Variants in WDPCP observed in about 807,000 individuals in gnomAD.
WDPCP encodes WD repeat containing planar cell polarity effector.
A neutral mutation model predicts 93.1 loss-of-function variants in WDPCP; 71 were observed. The observed-to-expected ratio is 0.76, with a 90% CI of 0.63 to 0.93. WDPCP has a LOEUF of 0.93. Among genes scored for constraint, WDPCP ranks in the 40% least tolerant of loss-of-function variants. The pLI, the probability that WDPCP is intolerant of heterozygous loss-of-function variation, is 0.00. For missense variants in WDPCP, 844 were observed against 887.4 expected (o/e 0.95, Z 0.62); for synonymous variants, 315 against 315.0 (o/e 1.00, Z 0.00).
intron 15 of WDPCP, among the ~76,000 whole-genome samples, chr2:63,158,803 A>G (rs914601652): frequency 6.6e-6 from 1 of 151,838 alleles, no homozygotes; most frequent in African/African-American, 2.4e-5. Context: ...TCCCTTTGTT[A>G]TCTCTATTCT....
At chr2:63,481,207 G>C (rs987430616) in intron 6 of WDPCP, among the ~76,000 whole-genome samples, 1 of 151,926 alleles carries the variant, frequency 6.6e-6, no homozygotes, top group Non-Finnish European at 1.5e-5. Context: ...CCTTACTCCT[G>C]CAAGAATGGC....
At chr2:63,637,031 G>A (rs915102758) in intron 3 of WDPCP, among the ~76,000 whole-genome samples, 12 of 152,190 alleles carry the variant, frequency 7.9e-5, no homozygotes, top group East Asian at 1.9e-4. Context: ...GCTATGACAC[G>A]AAAGGCACAG....
intron 8 of WDPCP, among the ~76,000 whole-genome samples, chr2:63,436,735 G>A (rs1372784849): frequency 6.6e-6 from 1 of 152,026 alleles, no homozygotes; most frequent in Non-Finnish European, 1.5e-5. Context: ...AAACAGCCTG[G>A]AAAATGTATT....
At chr2:63,346,186 A>C (rs1689177471) in intron 12 of WDPCP, among the ~76,000 whole-genome samples, 1 of 152,212 alleles carries the variant, frequency 6.6e-6, no homozygotes, top group African/African-American at 2.4e-5. Flanking sequence ...TGCCTGGAAA[A>C]AGTAATGTCC....
chr2:63,806,169 G>C (rs957643337), intron 2 of WDPCP, among the ~76,000 whole-genome samples: 7 of 152,150 alleles, frequency 4.6e-5, no homozygotes, highest in Admixed American at 1.3e-4. Flanking sequence ...AACCTGCCCT[G>C]ATATTCACGT....
chr2:63,563,828 A>T (rs1433584079), intron 1 of WDPCP, among the ~76,000 whole-genome samples: 19 of 152,170 alleles, frequency 1.2e-4, no homozygotes. Flanking sequence ...GCCCCTTGAA[A>T]TTGGGCTTGT....
intron 2 of WDPCP, among the ~76,000 whole-genome samples, chr2:63,808,212 T>C (rs1416843870): frequency 6.6e-6 from 1 of 152,212 alleles, no homozygotes; most frequent in African/African-American, 2.4e-5. Context: ...GGCAGGAGAC[T>C]GAAAAATTAT....
rs528580062 is a variant in WDPCP, at chr2:63,121,053, A to G, written c.*953T>C. ...TTTCTTCATGGATTCTCTGAGCCCT[A>G]TTCCTATAGAGCAATGTTAAGAGGG... On this transcript the variant is annotated 3_prime_UTR_variant, in exon 18 of 18. Coordinates refer to ENST00000272321, the MANE Select transcript of WDPCP (RefSeq NM_015910.7). Among the ~76,000 whole-genome samples the G allele has an allele frequency of 1.3e-5, 2 of 152,214 alleles. No homozygotes were observed. The highest frequency in any genetic ancestry group is 6.5e-5 in the Admixed American group (1 of 15,268).
intron 2 of WDPCP, among the ~76,000 whole-genome samples, chr2:63,706,927 T>A (rs572367308): frequency 1.2e-4 from 18 of 152,190 alleles, no homozygotes; most frequent in African/African-American, 4.3e-4. Flanking sequence ...TGAAAATTCT[T>A]TTCTTTAAGA....
chr2:63,736,358 G>A (rs1028834991), intron 2 of WDPCP, among the ~76,000 whole-genome samples: 10 of 152,142 alleles, frequency 6.6e-5, no homozygotes, highest in South Asian at 2.1e-4. Flanking sequence ...AAATACTGAT[G>A]TACCACATGC....
chr2:63,710,855 T>C lies in WDPCP; in HGVS notation n.309-60017A>G, dbSNP rs536100174. Among the ~76,000 whole-genome samples the C allele has an allele frequency of 8.5e-5, 13 of 152,264 alleles. No homozygotes were observed. The South Asian group carries it at 2.7e-3, about 32-fold the overall frequency. On this transcript the variant is annotated intron_variant and non_coding_transcript_variant, in intron 2 of 4. Transcript: ENST00000467687. The stretch of plus-strand genomic sequence containing the variant: ...AAACTATGGACTGTAGAAGGAGGGA[T>C]CTCCACCTGTCTCTGTATTAGGGAT...
At chr2:63,828,272 T>A (rs1347800139), upstream of WDPCP, among the ~76,000 whole-genome samples, 1 of 152,130 alleles carries the variant, frequency 6.6e-6, no homozygotes, top group Non-Finnish European at 1.5e-5. Context: ...AAAGCATTTC[T>A]TCCAGATATA....
intron 3 of WDPCP, chr2:63,594,953 C>T (rs945648196): frequency 1.7e-4 from 42 of 250,940 alleles, no homozygotes; most frequent in African/African-American, 9.3e-4. Flanking sequence ...AGGAAATCTG[C>T]TTCCCCGCTG....
Position 63,638,534 on chromosome 2 carries a change from A to T in WDPCP, n.488+12125T>A, listed in dbSNP as rs1709946524. Among the ~76,000 whole-genome samples, 3 of 152,328 alleles carry T rather than the reference A, an allele frequency of 2.0e-5. No individual in the cohort carries two copies. In the South Asian group the frequency reaches 6.2e-4, roughly 32 times the overall value. On this transcript the variant is annotated intron_variant and non_coding_transcript_variant, in intron 3 of 4. Coordinates refer to the WDPCP transcript ENST00000467687. ...GCTGGGTGTAGTGACTCTCAGTTGTAATCCCAACACTTTGGAAGGCAGAAG... is the reference window on the plus strand; with the variant it reads ...GCTGGGTGTAGTGACTCTCAGTTGTTATCCCAACACTTTGGAAGGCAGAAG...
chr2:63,335,720 G>C (rs557499236), intron 12 of WDPCP, among the ~76,000 whole-genome samples: 201 of 152,218 alleles, frequency 1.3e-3, no homozygotes, highest in African/African-American at 4.7e-3. Context: ...CACGTGAACC[G>C]GAGCAACTCC....
chr2:63,812,150 C>T (rs1029922478), intron 2 of WDPCP, among the ~76,000 whole-genome samples: 5 of 152,156 alleles, frequency 3.3e-5, no homozygotes, highest in African/African-American at 1.2e-4. Context: ...CAGGCATGAG[C>T]CACCATGCCT....
rs555401538 is a variant in WDPCP at position 63,809,134 on chromosome 2, C to T, written n.308+4488G>A. Among the ~76,000 whole-genome samples, 12 of 146,682 alleles carry T rather than the reference C, an allele frequency of 8.2e-5. No homozygotes were observed. The South Asian group carries it at 2.2e-3, about 27-fold the overall frequency. On this transcript the variant is annotated intron_variant and non_coding_transcript_variant, in intron 2 of 4. Coordinates refer to the WDPCP transcript ENST00000467687. Reference sequence around the variant, plus strand: ...CCGCCCTGTCTGGGAAGTGAGGAGCCCCTCCGCCCGGCAGCCACCCCGTCT... The same window carrying T: ...CCGCCCTGTCTGGGAAGTGAGGAGCTCCTCCGCCCGGCAGCCACCCCGTCT...
chr2:63,264,742 C>T (rs1054731392), intron 13 of WDPCP, among the ~76,000 whole-genome samples: 2 of 152,164 alleles, frequency 1.3e-5, no homozygotes, highest in Admixed American at 1.3e-4. Context: ...AGATATTTTA[C>T]AGCATCAGCA....
At chr2:63,373,940 T>C (rs1270800028) in intron 12 of WDPCP, among the ~76,000 whole-genome samples, 1 of 152,130 alleles carries the variant, frequency 6.6e-6, no homozygotes, top group East Asian at 1.9e-4. Flanking sequence ...CCTCTTCTGA[T>C]TTATATGTTG....
Sources: allele counts gnomAD v4.1 joint callset (sites outside exome capture counted in the v4.1 genomes callset), GRCh38; gene constraint gnomAD v4.1.1; transcripts MANE v1.5; gene names NCBI Gene and HGNC (gene_info 2026-07-23, HGNC 2026-07-21).